Variants in PRKD1 observed in about 807,000 individuals in gnomAD.
PRKD1 encodes the protein protein kinase D1, also known as serine/threonine-protein kinase D1.
Under a neutral mutation model 95.9 loss-of-function variants are expected in PRKD1, and 63 were observed. The observed-to-expected ratio is 0.66, with a 90% CI of 0.54 to 0.81. PRKD1 has a LOEUF of 0.81. PRKD1 is among the 30% of genes least tolerant of loss of function. The pLI, the probability that PRKD1 is intolerant of heterozygous loss-of-function variation, is 0.00. For missense variants in PRKD1, 1,048 were observed against 1,165.3 expected (o/e 0.90, Z 1.47); for synonymous variants, 425 against 423.1 (o/e 1.00, Z -0.05).
chr14:29,631,875 C>T (rs190674940), intron 9 of PRKD1, among the ~76,000 whole-genome samples: 15 of 151,676 alleles, frequency 9.9e-5, no homozygotes, highest in Admixed American at 2.6e-4. Context: ...AATCCTGGCT[C>T]GCTGCAAACT....
At chr14:29,584,669 C>T (rs149623800) in intron 16 of PRKD1, among the ~76,000 whole-genome samples, 6 of 152,228 alleles carry the variant, frequency 3.9e-5, no homozygotes, top group Admixed American at 3.9e-4. Flanking sequence ...TCGCCATTTT[C>T]TTAGCTCTAA....
At chr14:29,582,726 A>C (rs1019402547) in intron 16 of PRKD1, among the ~76,000 whole-genome samples, 1 of 152,184 alleles carries the variant, frequency 6.6e-6, no homozygotes, top group Non-Finnish European at 1.5e-5. Flanking sequence ...GCAGTCCCAG[A>C]AGAGAGCCAA....
chr14:29,910,875 C>A (rs375310180), intron 1 of PRKD1, among the ~76,000 whole-genome samples: 17 of 152,168 alleles, frequency 1.1e-4, no homozygotes, highest in African/African-American at 4.1e-4. Flanking sequence ...CAACTTTAAT[C>A]GAGCCAATAA....
chr14:29,612,768 C>G (rs2139053185), intron 13 of PRKD1, among the ~76,000 whole-genome samples: 1 of 152,226 alleles, frequency 6.6e-6, no homozygotes, highest in South Asian at 2.1e-4. Context: ...TTCCTTAGAG[C>G]TCCAAAACAT....
At chr14:29,783,982 A>T (rs1362718527) in intron 1 of PRKD1, among the ~76,000 whole-genome samples, 3 of 151,956 alleles carry the variant, frequency 2.0e-5, no homozygotes, top group Non-Finnish European at 4.4e-5. Context: ...TAAGCTTTTT[A>T]GTTTGTCTAC....
In PRKD1 at chr14:29,638,498, T is replaced by A. The variant is rs367823975; in HGVS notation, c.976A>T (p.Ile326Phe). ...CTGATCTTTTACCTACCTCCATTAATGGTCACTTCGCCAAGGCAGTTGTTT... is the reference window on the plus strand; with the variant it reads ...CTGATCTTTTACCTACCTCCATTAAAGGTCACTTCGCCAAGGCAGTTGTTT... ...VPNNCLGEVT[I>F]NGDLLSPGAE... Residue 326 changes from isoleucine (I) to phenylalanine (F), a missense_variant, in exon 6 of 18, where the codon ATT becomes TTT. This residue lies in a region of PRKD1 where 739 missense variants were observed against 861.9 expected (regional missense o/e 0.86). Coordinates refer to ENST00000331968, the MANE Select transcript of PRKD1 (RefSeq NM_002742.3). The A allele has an allele frequency of 1.5e-5, 25 of 1,614,030 alleles. No homozygotes were observed. In the East Asian group the frequency reaches 5.6e-4, roughly 36 times the overall value.
chr14:29,860,401 T>G (rs1892666754), intron 1 of PRKD1, among the ~76,000 whole-genome samples: 1 of 152,210 alleles, frequency 6.6e-6, no homozygotes, highest in Non-Finnish European at 1.5e-5. Flanking sequence ...TAAGGCAAGA[T>G]AGGTGATATA....
intron 4 of PRKD1, among the ~76,000 whole-genome samples, chr14:29,642,895 G>A (rs1223278319): frequency 6.8e-6 from 1 of 146,344 alleles, no homozygotes; most frequent in African/African-American, 2.5e-5. Flanking sequence ...TGGTGAACCT[G>A]AAAAATCTGC....
At chr14:29,815,676 T>C (rs939469374) in intron 1 of PRKD1, among the ~76,000 whole-genome samples, 2 of 152,238 alleles carry the variant, frequency 1.3e-5, no homozygotes, top group African/African-American at 4.8e-5. Context: ...ATTAAGAATG[T>C]ATATACTTTA....
chr14:29,715,173 T>C (rs1885541363), intron 2 of PRKD1, among the ~76,000 whole-genome samples: 1 of 152,128 alleles, frequency 6.6e-6, no homozygotes, highest in Non-Finnish European at 1.5e-5. Flanking sequence ...GTGTTATTCA[T>C]AACATCATTC....
intron 1 of PRKD1, among the ~76,000 whole-genome samples, chr14:29,804,676 G>C (rs1451467980): frequency 6.6e-6 from 1 of 151,942 alleles, no homozygotes; most frequent in Non-Finnish European, 1.5e-5. Context: ...CTTAATCAAT[G>C]CAAGTCATTG....
At chr14:29,581,728 G>T (rs1566464613) in intron 16 of PRKD1, among the ~76,000 whole-genome samples, 1 of 152,156 alleles carries the variant, frequency 6.6e-6, no homozygotes, top group African/African-American at 2.4e-5. Flanking sequence ...GCAAGGATGT[G>T]TGTGTATGTG....
intron 12 of PRKD1, among the ~76,000 whole-genome samples, chr14:29,625,654 G>A (rs1337182355): frequency 6.6e-6 from 1 of 152,136 alleles, no homozygotes; most frequent in African/African-American, 2.4e-5. Context: ...CTCATGATAG[G>A]TTTCTCATCA....
chr14:29,920,048 GGAAGGAAGGAAGGAAGGAAAGA>G (rs1895042063), intron 1 of PRKD1, among the ~76,000 whole-genome samples: 2 of 135,202 alleles, frequency 1.5e-5, no homozygotes, highest in Admixed American at 1.5e-4. Flanking sequence ...AAGGAAGGAA[GGAAGGAAGGAAGGAAGGAAAGA>G]AGGAAGGAAG....
intron 9 of PRKD1, among the ~76,000 whole-genome samples, chr14:29,631,423 T>G (rs1353028844): frequency 6.6e-6 from 1 of 152,116 alleles, no homozygotes; most frequent in Non-Finnish European, 1.5e-5. Flanking sequence ...TTTAAGGCAC[T>G]CAATACATGT....
intron 1 of PRKD1, among the ~76,000 whole-genome samples, chr14:29,744,994 A>C (rs1026785496): frequency 1.3e-5 from 2 of 150,672 alleles, no homozygotes; most frequent in Non-Finnish European, 3.0e-5. Flanking sequence ...CTTTTCCTCC[A>C]CTCTGGCCTT....
chr14:29,859,334 C>T (rs1231766038), intron 1 of PRKD1, among the ~76,000 whole-genome samples: 2 of 151,092 alleles, frequency 1.3e-5, no homozygotes, highest in African/African-American at 2.4e-5. Flanking sequence ...ATTAGCCAGG[C>T]GTGGTGGCTC....
intron 1 of PRKD1, among the ~76,000 whole-genome samples, chr14:29,845,735 T>C (rs575817607): frequency 5.9e-5 from 9 of 152,322 alleles, no homozygotes; most frequent in African/African-American, 1.9e-4. Flanking sequence ...AATACGTTAA[T>C]GTTCATAGAA....
chr14:29,794,369 T>TA (rs1889715016), intron 1 of PRKD1, among the ~76,000 whole-genome samples: 1 of 152,048 alleles, frequency 6.6e-6, no homozygotes, highest in South Asian at 2.1e-4. Flanking sequence ...CTCCTGCCCC[T>TA]AAATATCATC....
Sources: allele counts gnomAD v4.1 joint callset (sites outside exome capture counted in the v4.1 genomes callset), GRCh38; gene constraint gnomAD v4.1.1; regional missense constraint gnomAD v4.1.1; transcripts MANE v1.5; gene names NCBI Gene and HGNC (gene_info 2026-07-23, HGNC 2026-07-21).